TENT5D: variants seen among roughly 807,000 people sequenced by gnomAD.
TENT5D encodes the protein cancer/testis antigen 112.
For synonymous variants in TENT5D, 103 were observed against 100.6 expected (o/e 1.02, Z -0.15); for missense variants, 191 against 287.0 (o/e 0.67, Z 2.42).
chrX:80,443,316 A>G, exon 3 of TENT5D: 3 of 1,210,879 alleles, frequency 2.5e-6, no homozygotes, highest in Non-Finnish European at 3.4e-6. Flanking sequence ...AAAACCTAGA[A>G]CGTTATATGT....
intron 3 of TENT5D, among the ~76,000 whole-genome samples, chrX:80,357,831 A>T (rs1226199622): frequency 9.0e-6 from 1 of 111,549 alleles, no homozygotes; most frequent in Non-Finnish European, 1.9e-5. Flanking sequence ...GTTCATATGG[A>T]ACTAAAAAAG....
upstream of TENT5D, among the ~76,000 whole-genome samples, chrX:80,417,875 G>A (rs1217393261): frequency 2.7e-5 from 3 of 111,544 alleles, no homozygotes; most frequent in Non-Finnish European, 3.8e-5. Context: ...CTTGGGAAAT[G>A]TTCATGAACA....
At chrX:80,412,111 G>C (rs1399022212) in intron 3 of TENT5D, among the ~76,000 whole-genome samples, 2 of 112,790 alleles carry the variant, frequency 1.8e-5, no homozygotes, top group African/African-American at 6.4e-5. Context: ...GCACCTGCAG[G>C]CTCAATGCCA....
At chrX:80,424,619 A>G (rs1931954156) in intron 1 of TENT5D, among the ~76,000 whole-genome samples, 1 of 112,447 alleles carries the variant, frequency 8.9e-6, no homozygotes, top group Non-Finnish European at 1.9e-5. Flanking sequence ...AACTACTGAG[A>G]CTAGAAATTA....
intron 2 of TENT5D, chrX:80,335,823 T>G (rs1203638292): frequency 9.0e-6 from 1 of 111,529 alleles, no homozygotes; most frequent in Non-Finnish European, 1.9e-5. Flanking sequence ...CTTATGGCGT[T>G]AAAAAGCTTC....
chrX:80,426,005 C>T (rs917248043), intron 1 of TENT5D, among the ~76,000 whole-genome samples: 5 of 110,180 alleles, frequency 4.5e-5, no homozygotes, highest in Admixed American at 9.7e-5. Flanking sequence ...CCAGCCTGTG[C>T]GACAGAGTGA....
chrX:80,426,952 C>T (rs960822285), intron 1 of TENT5D, among the ~76,000 whole-genome samples: 28 of 111,161 alleles, frequency 2.5e-4, no homozygotes, highest in African/African-American at 6.5e-5. Flanking sequence ...ATGAGTCTCA[C>T]GAGATCTGAT....
chrX:80,441,410 A>G (rs1311105561), intron 2 of TENT5D, among the ~76,000 whole-genome samples: 1 of 111,482 alleles, frequency 9.0e-6, no homozygotes, highest in Non-Finnish European at 1.9e-5. Flanking sequence ...GGAAATACAT[A>G]ATACTAAATT....
At chrX:80,405,331 C>T (rs1466762628) in intron 3 of TENT5D, among the ~76,000 whole-genome samples, 3 of 108,657 alleles carry the variant, frequency 2.8e-5, no homozygotes, top group Admixed American at 9.7e-5. Context: ...TCTGCATTTC[C>T]ATCTGAGGTA....
intron 3 of TENT5D, among the ~76,000 whole-genome samples, chrX:80,384,868 T>C (rs1371809790): frequency 9.1e-6 from 1 of 110,086 alleles, no homozygotes; most frequent in Non-Finnish European, 1.9e-5. Flanking sequence ...TTACAAGGGA[T>C]GTGAAGGACC....
chrX:80,359,049 A>G (rs765651653), intron 3 of TENT5D, among the ~76,000 whole-genome samples: 1 of 112,544 alleles, frequency 8.9e-6, no homozygotes, highest in South Asian at 3.7e-4. Context: ...AAACATATGA[A>G]AAAAAGCTCA....
intron 3 of TENT5D, among the ~76,000 whole-genome samples, chrX:80,381,971 A>G (rs1264456187): frequency 8.9e-6 from 1 of 112,368 alleles, no homozygotes; most frequent in Non-Finnish European, 1.9e-5. Context: ...AACTTGTCAA[A>G]GTCATTCTCT....
chrX:80,396,518 A>G (rs894251753), intron 3 of TENT5D, among the ~76,000 whole-genome samples: 26 of 110,626 alleles, frequency 2.4e-4, no homozygotes, highest in Admixed American at 5.8e-4. Context: ...AACAAAGCAC[A>G]TCTTGCACCG....
intron 3 of TENT5D, among the ~76,000 whole-genome samples, chrX:80,355,952 T>C (rs1329268807): frequency 1.8e-5 from 2 of 111,947 alleles, no homozygotes; most frequent in Non-Finnish European, 3.8e-5. Flanking sequence ...TCCCAGTACC[T>C]GCAGTTCATG....
rs187661968 is a variant in TENT5D, at chrX:80,337,299, C to T, written c.-207+1583C>T. 6.1e-3 allele frequency among the ~76,000 whole-genome samples: 676 copies of T among 111,256 alleles called. 9 individuals are homozygous for T. Among genetic ancestry groups the T allele is most frequent in the African/African-American group, 0.02 (628 of 30,662 alleles). ...ACAAATATATACTTGTGAACTATCA[C>T]CCAATTTAAGCAAAAGGATATTATA... On this transcript the variant is annotated intron_variant, in intron 2 of 4. Transcript: ENST00000538312.
At chrX:80,345,369 A>G (rs758179298) in intron 3 of TENT5D, among the ~76,000 whole-genome samples, 2 of 111,637 alleles carry the variant, frequency 1.8e-5, no homozygotes, top group Non-Finnish European at 3.8e-5. Context: ...CTTAATTCCT[A>G]AGGGGATCTT....
chrX:80,343,391 C>A (rs183271542), intron 3 of TENT5D, among the ~76,000 whole-genome samples: 38 of 83,338 alleles, frequency 4.6e-4, no homozygotes, highest in Middle Eastern at 6.1e-3. Context: ...CATTTTATTT[C>A]TTTTTTTTTT....
At chrX:80,391,652 A>G (rs1931129620) in intron 3 of TENT5D, among the ~76,000 whole-genome samples, 1 of 112,486 alleles carries the variant, frequency 8.9e-6, no homozygotes, top group Admixed American at 9.4e-5. Flanking sequence ...GTGAACCCTG[A>G]GAAGTATAAA....
intron 3 of TENT5D, among the ~76,000 whole-genome samples, chrX:80,372,690 C>T (rs1930646850): frequency 9.1e-6 from 1 of 109,595 alleles, no homozygotes; most frequent in Non-Finnish European, 1.9e-5. Context: ...AGTTCGAGAA[C>T]AGCCTGACCA....
Sources: gnomAD v4.1 joint callset for allele counts (sites outside exome capture counted in the v4.1 genomes callset) on GRCh38, gnomAD v4.1.1 for gene constraint, MANE v1.5 for transcripts, NCBI Gene and HGNC (gene_info 2026-07-23, HGNC 2026-07-21) for gene names.